HOMER1: variants seen among roughly 807,000 people sequenced by gnomAD.
HOMER1 encodes homer scaffold protein 1, also known as homer protein homolog 1.
In HOMER1, 3 loss-of-function variants were observed where a neutral mutation model predicts 48.9. The ratio of observed to expected loss-of-function variants is 0.06; its 90% confidence interval spans 0.03 to 0.16. The LOEUF is 0.16. Ranked by LOEUF, HOMER1 falls within the 10% of genes least tolerant of loss-of-function variation. The pLI, the probability that HOMER1 is intolerant of heterozygous loss-of-function variation, is 1.00. For synonymous variants in HOMER1, 134 were observed against 146.4 expected (o/e 0.92, Z 0.61); for missense variants, 247 against 411.4 (o/e 0.60, Z 3.46).
At chr5:79,396,164 C>A (rs1002521523) in intron 8 of HOMER1, among the ~76,000 whole-genome samples, 1 of 151,984 alleles carries the variant, frequency 6.6e-6, no homozygotes, top group Non-Finnish European at 1.5e-5. Context: ...TTTTTGTACA[C>A]TGGAATCAGG....
chr5:79,411,691 C>T (rs1336562427), intron 5 of HOMER1, among the ~76,000 whole-genome samples: 1 of 152,222 alleles, frequency 6.6e-6, no homozygotes, highest in Non-Finnish European at 1.5e-5. Flanking sequence ...AAAGCTGCCT[C>T]TCTCCCATTC....
chr5:79,429,246 C>T (rs1311305518), intron 5 of HOMER1, among the ~76,000 whole-genome samples: 1 of 152,034 alleles, frequency 6.6e-6, no homozygotes, highest in Non-Finnish European at 1.5e-5. Context: ...ATCCCAGCTA[C>T]TCGGGAGGCT....
In HOMER1 at chr5:79,451,023, T is replaced by A; in HGVS notation, c.261A>T (p.Gly87=). The A allele has an allele frequency of 6.2e-7, 1 of 1,613,874 alleles. No homozygotes were observed. Among genetic ancestry groups the A allele is most frequent in the Non-Finnish European group, 8.5e-7 (1 of 1,179,830 alleles). Reference sequence around the variant, plus strand: ...GATGATGCTCAGAGGAGAATCCCAATCCATAAACGGTGTTTGCCCGGCTAT... The same window carrying A: ...GATGATGCTCAGAGGAGAATCCCAAACCATAAACGGTGTTTGCCCGGCTAT... ...WADSRANTVY[G]LGFSSEHHLS... The change falls in exon 3 of 9, where the codon GGA becomes GGT. Residue 87 remains glycine (G), a synonymous_variant. Coordinates refer to ENST00000334082, the MANE Select transcript of HOMER1 (RefSeq NM_004272.5).
intron 1 of HOMER1, among the ~76,000 whole-genome samples, chr5:79,507,763 A>G (rs1440524197): frequency 6.6e-6 from 1 of 152,124 alleles, no homozygotes; most frequent in African/African-American, 2.4e-5. Context: ...TTGGGATATA[A>G]CCACCTTTTC....
chr5:79,396,644 C>A (rs1749393927), intron 8 of HOMER1, among the ~76,000 whole-genome samples, 179 bp downstream of exon 8: 1 of 151,870 alleles, frequency 6.6e-6, no homozygotes, highest in African/African-American at 2.4e-5. Flanking sequence ...TTATAAGCTA[C>A]ATAGATGAAG....
At position 79,513,108 on chromosome 5, in the gene HOMER1, G is replaced by T. The variant is rs1365883927; in HGVS notation, c.-334C>A. On this transcript the variant is annotated 5_prime_UTR_variant, in exon 1 of 9. Coordinates refer to ENST00000334082, the MANE Select transcript of HOMER1 (RefSeq NM_004272.5). ...CTTCACCGAGTCCTATAAAAAATGA[G>T]TTCGCTGGTCATTTCACTCATGTCC... 1 of 352,110 alleles carries T rather than the reference G, an allele frequency of 2.8e-6. No homozygotes were observed. Among genetic ancestry groups the T allele is most frequent in the Admixed American group, 4.9e-5 (1 of 20,336 alleles). 21.8% of individuals were successfully genotyped at this position (352,110 alleles called of 1,614,324 possible). A position where few individuals can be genotyped will look rare whatever the true frequency, so the allele number is the denominator to read the frequency against.
At chr5:79,440,039 C>T (rs1051065128) in intron 4 of HOMER1, among the ~76,000 whole-genome samples, 1 of 150,862 alleles carries the variant, frequency 6.6e-6, no homozygotes, top group African/African-American at 2.4e-5. Context: ...GATCCCTGGG[C>T]AAAAAAATGT....
chr5:79,512,229 C>T (rs1457739082), intron 1 of HOMER1, among the ~76,000 whole-genome samples: 1 of 152,202 alleles, frequency 6.6e-6, no homozygotes, highest in African/African-American at 2.4e-5. Context: ...GACTGAATTT[C>T]AGATTTTCGT....
chr5:79,458,113 A>T (rs906899653), intron 1 of HOMER1, among the ~76,000 whole-genome samples: 6 of 152,286 alleles, frequency 3.9e-5, no homozygotes, highest in African/African-American at 7.2e-5. Context: ...ATAGATTTTT[A>T]AAATTACAAA....
rs143065017 is a variant in HOMER1, at chr5:79,378,192, C to T, written c.877-1995G>A. Reference sequence around the variant, plus strand: ...CGAAATTACGTTACTGCACTCCAGCCGCCTGGGGTGACAGAGTAAGACTCT... The same window carrying T: ...CGAAATTACGTTACTGCACTCCAGCTGCCTGGGGTGACAGAGTAAGACTCT... On this transcript the variant is annotated intron_variant, in intron 8 of 8. Coordinates refer to ENST00000334082, the MANE Select transcript of HOMER1 (RefSeq NM_004272.5). Among the ~76,000 whole-genome samples, 783 of 136,800 alleles carry T rather than the reference C, an allele frequency of 5.7e-3. 7 individuals carry two copies. The highest frequency in any genetic ancestry group is 5.4e-3 in the African/African-American group (183 of 34,188). The allele number at this position is 136,800 out of a possible 152,430, so 89.7% of individuals were successfully genotyped here. A position where few individuals can be genotyped will look rare whatever the true frequency, so the allele number is the denominator to read the frequency against.
intron 6 of HOMER1, among the ~76,000 whole-genome samples, chr5:79,399,312 G>C (rs1749474570): frequency 6.6e-6 from 1 of 152,166 alleles, no homozygotes; most frequent in African/African-American, 2.4e-5. Context: ...GAAATCCATA[G>C]TCTTATTTCT....
At chr5:79,396,946 A>C in intron 7 of HOMER1, 43 bp from the exon 8 acceptor site, 1 of 1,034,404 alleles carries the variant, frequency 9.7e-7, no homozygotes. Context: ...AACTATATCA[A>C]GGCAAGGGAA....
At chr5:79,383,495 C>A (rs1749032307) in intron 8 of HOMER1, among the ~76,000 whole-genome samples, 1 of 151,490 alleles carries the variant, frequency 6.6e-6, no homozygotes, top group African/African-American at 2.4e-5. Flanking sequence ...AAGCGATTTT[C>A]CTGCCTCAGC....
intron 8 of HOMER1, among the ~76,000 whole-genome samples, chr5:79,379,990 C>A (rs570740203): frequency 6.6e-6 from 1 of 152,068 alleles, no homozygotes; most frequent in African/African-American, 2.4e-5. Flanking sequence ...CTAAGAAGAA[C>A]CGAAATAGTG....
chr5:79,502,992 G>A lies in HOMER1; in HGVS notation c.5+9778C>T, dbSNP rs182330121. ...TTTTAAGTAGAGACAGGGTTTCACCGTGTTAGCCAGGACGGTCTTGATCTG... is the reference window on the plus strand; with the variant it reads ...TTTTAAGTAGAGACAGGGTTTCACCATGTTAGCCAGGACGGTCTTGATCTG... On this transcript the variant is annotated intron_variant, in intron 1 of 8. Transcript: ENST00000334082. 2.6e-4 allele frequency among the ~76,000 whole-genome samples: 39 copies of A among 152,048 alleles called. 1 individual carries two copies. In the East Asian group the frequency reaches 3.1e-3, roughly 12 times the overall value.
chr5:79,484,045 C>CAAAA (rs34704866), intron 1 of HOMER1, among the ~76,000 whole-genome samples: 18 of 72,240 alleles, frequency 2.5e-4, no homozygotes, highest in African/African-American at 5.6e-4. Context: ...GACTCCATCT[C>CAAAA]AAAAAAAAAA....
chr5:79,477,031 G>A (rs1751799660), intron 1 of HOMER1, among the ~76,000 whole-genome samples: 1 of 152,062 alleles, frequency 6.6e-6, no homozygotes, highest in Non-Finnish European at 1.5e-5. Context: ...GTAAAAGAAG[G>A]ACAAAAAACA....
At chr5:79,416,951 C>T (rs571022164) in intron 5 of HOMER1, among the ~76,000 whole-genome samples, 11 of 152,294 alleles carry the variant, frequency 7.2e-5, no homozygotes, top group Admixed American at 1.3e-4. Context: ...AGTTTCCCTA[C>T]ATCAGTGAAT....
chr5:79,470,050 T>C (rs1003919310), intron 1 of HOMER1, among the ~76,000 whole-genome samples: 1 of 152,154 alleles, frequency 6.6e-6, no homozygotes, highest in Non-Finnish European at 1.5e-5. Context: ...AATACAGGAA[T>C]ACAATAATCT....
Sources: gnomAD v4.1 joint callset for allele counts (sites outside exome capture counted in the v4.1 genomes callset) on GRCh38, gnomAD v4.1.1 for gene constraint, MANE v1.5 for transcripts, NCBI Gene and HGNC (gene_info 2026-07-23, HGNC 2026-07-21) for gene names.